The following SHISA6 variants were observed in gnomAD, a reference collection of about 807,000 sequenced individuals.
SHISA6 encodes shisa family member 6, also known as protein shisa-6.
In SHISA6, 22 loss-of-function variants were observed where a neutral mutation model predicts 47.9. The ratio of observed to expected loss-of-function variants is 0.46; its 90% CI spans 0.33 to 0.66. The LOEUF (loss-of-function observed/expected upper bound fraction) is 0.66, where lower values mean the gene tolerates loss of function less well. Ranked by LOEUF, SHISA6 falls within the 30% of genes least tolerant of loss-of-function variation. The probability of loss-of-function intolerance (pLI) is 0.02; values close to 1 mark genes in which losing one functional copy is unlikely to be tolerated. For missense variants in SHISA6, 680 were observed against 764.6 expected (o/e 0.89, Z 1.30); for synonymous variants, 388 against 337.8 (o/e 1.15, Z -1.63).
At chr17:11,251,631 C>T (rs1361093854) in intron 1 of SHISA6, among the ~76,000 whole-genome samples, 1 of 152,100 alleles carries the variant, frequency 6.6e-6, no homozygotes, top group Non-Finnish European at 1.5e-5. Flanking sequence ...CCCACCCTGC[C>T]CCATGTCTAA....
Position 11,558,461 on chromosome 17 carries a change from G to A in SHISA6, c.*157G>A, listed in dbSNP as rs2072006156. ...CTTTGCCCAAAAAGCCATACCCCCG[G>A]GGACACAGCCCCGATGGCCTGGTCC... On this transcript the variant is annotated 3_prime_UTR_variant, in exon 6 of 6. Transcript: ENST00000441885. 2.6e-6 allele frequency: 2 copies of A among 781,822 alleles called. No homozygotes were observed. Among genetic ancestry groups the A allele is most frequent in the Non-Finnish European group, 4.0e-6 (2 of 500,376 alleles). 48.4% of individuals were successfully genotyped at this position (781,822 alleles called of 1,614,324 possible). A position where few individuals can be genotyped will look rare whatever the true frequency, so the allele number is the denominator to read the frequency against.
intron 3 of SHISA6, among the ~76,000 whole-genome samples, chr17:11,462,126 G>A (rs1378838059): frequency 6.6e-6 from 1 of 152,054 alleles, no homozygotes; most frequent in African/African-American, 2.4e-5. Flanking sequence ...GAAAAATAGG[G>A]CAAAGTGACA....
chr17:11,262,992 A>G (rs1055074484), intron 1 of SHISA6, among the ~76,000 whole-genome samples: 1 of 152,112 alleles, frequency 6.6e-6, no homozygotes, highest in African/African-American at 2.4e-5. Context: ...CTGCTGCTGA[A>G]TTTGAGGCCG....
Position 11,481,344 on chromosome 17 carries a change from G to T in SHISA6, c.896-70552G>T, listed in dbSNP as rs1597541978. Among the ~76,000 whole-genome samples the T allele has an allele frequency of 5.2e-5, 3 of 58,124 alleles. No individual in the cohort carries two copies. In the South Asian group the frequency reaches 1.8e-3, roughly 36 times the overall value. The allele number at this position is 58,124 out of a possible 152,430, so 38.1% of individuals were successfully genotyped here. A position where few individuals can be genotyped will look rare whatever the true frequency, so the allele number is the denominator to read the frequency against. ...CCTCTCAAAAAATATATATGTGTGTGTGTGTGTGTGTGTGTGTGTGTGTAT... is the reference window on the plus strand; with the variant it reads ...CCTCTCAAAAAATATATATGTGTGTTTGTGTGTGTGTGTGTGTGTGTGTAT... On this transcript the variant is annotated intron_variant, in intron 3 of 5. Transcript: ENST00000441885.
chr17:11,358,148 T>C (rs551802504), intron 2 of SHISA6, among the ~76,000 whole-genome samples: 1 of 152,312 alleles, frequency 6.6e-6, no homozygotes, highest in South Asian at 2.1e-4. Context: ...TTATTTATCT[T>C]TTAAAACTAA....
intron 2 of SHISA6, among the ~76,000 whole-genome samples, chr17:11,361,410 T>C (rs1224975283): frequency 6.6e-6 from 1 of 152,196 alleles, no homozygotes; most frequent in Non-Finnish European, 1.5e-5. Context: ...TCGTGGAACC[T>C]AGGAACTTGA....
intron 2 of SHISA6, among the ~76,000 whole-genome samples, chr17:11,275,323 G>A (rs1908849156): frequency 2.0e-5 from 3 of 152,004 alleles, no homozygotes; most frequent in African/African-American, 7.3e-5. Context: ...GCTTTTGGGG[G>A]CCTACAGTGA....
At chr17:11,333,387 C>T (rs1911201142) in intron 2 of SHISA6, among the ~76,000 whole-genome samples, 1 of 152,180 alleles carries the variant, frequency 6.6e-6, no homozygotes, top group African/African-American at 2.4e-5. Context: ...GTCTTGATTA[C>T]AGGCCTGGAA....
intron 3 of SHISA6, among the ~76,000 whole-genome samples, chr17:11,410,755 T>C (rs1397964962): frequency 6.6e-6 from 1 of 152,104 alleles, no homozygotes; most frequent in African/African-American, 2.4e-5. Context: ...TGTGCCAGTG[T>C]CACCTATGAA....
chr17:11,550,448 G>A (rs887914364), intron 3 of SHISA6, among the ~76,000 whole-genome samples: 9 of 152,172 alleles, frequency 5.9e-5, no homozygotes, highest in African/African-American at 1.9e-4. Flanking sequence ...GGAATTCACA[G>A]GATTTGTCTT....
chr17:11,301,478 C>G (rs967810688), intron 2 of SHISA6, among the ~76,000 whole-genome samples: 4 of 152,146 alleles, frequency 2.6e-5, no homozygotes, highest in East Asian at 3.8e-4. Flanking sequence ...CAGTATCTTC[C>G]TAAATTCACT....
chr17:11,492,878 T>C (rs2071376340), intron 3 of SHISA6, among the ~76,000 whole-genome samples: 1 of 152,174 alleles, frequency 6.6e-6, no homozygotes, highest in South Asian at 2.1e-4. Flanking sequence ...CACAGTACAC[T>C]TTCTTCACAG....
intron 3 of SHISA6, among the ~76,000 whole-genome samples, chr17:11,471,245 G>C (rs1472159055): frequency 6.7e-6 from 1 of 150,274 alleles, no homozygotes; most frequent in East Asian, 1.9e-4. Flanking sequence ...AGGAGGGGAA[G>C]GTGCTAGAAC....
chr17:11,284,751 C>T (rs910841577), intron 2 of SHISA6, among the ~76,000 whole-genome samples: 5 of 152,190 alleles, frequency 3.3e-5, no homozygotes, highest in Admixed American at 1.3e-4. Context: ...TATTAGACTT[C>T]TATAGCACTT....
intron 2 of SHISA6, among the ~76,000 whole-genome samples, chr17:11,339,165 TAAA>T (rs74468692): frequency 7.3e-6 from 1 of 136,978 alleles, no homozygotes; most frequent in African/African-American, 2.7e-5. Flanking sequence ...AAAGTATGAT[TAAA>T]AAAAAAAAAA....
intron 2 of SHISA6, among the ~76,000 whole-genome samples, chr17:11,343,210 G>A (rs1256302853): frequency 6.6e-6 from 1 of 152,174 alleles, no homozygotes; most frequent in Non-Finnish European, 1.5e-5. Context: ...AGCCTCTGGA[G>A]GAAGGAGAGA....
At chr17:11,404,055 A>G (rs1452215254) in intron 3 of SHISA6, among the ~76,000 whole-genome samples, 1 of 152,232 alleles carries the variant, frequency 6.6e-6, no homozygotes, top group Non-Finnish European at 1.5e-5. Context: ...AGAACTAGGT[A>G]GGAAATTACA....
chr17:11,467,666 A>T (rs1915843793), intron 3 of SHISA6, among the ~76,000 whole-genome samples: 1 of 152,048 alleles, frequency 6.6e-6, no homozygotes, highest in Non-Finnish European at 1.5e-5. Context: ...ACTGGTTCTC[A>T]CCTGTTTGGG....
At chr17:11,440,747 C>G (rs191470139) in intron 3 of SHISA6, among the ~76,000 whole-genome samples, 128 of 152,064 alleles carry the variant, frequency 8.4e-4, no homozygotes, top group Admixed American at 3.0e-3. Flanking sequence ...AAAACCACCA[C>G]CACAACCTCT....
Sources: gnomAD v4.1 joint callset for allele counts (sites outside exome capture counted in the v4.1 genomes callset) on GRCh38, gnomAD v4.1.1 for gene constraint, MANE v1.5 for transcripts, NCBI Gene and HGNC (gene_info 2026-07-23, HGNC 2026-07-21) for gene names.